Variants in DHX57 observed in about 807,000 individuals in gnomAD.
DHX57 encodes putative ATP-dependent RNA helicase DHX57.
Under a neutral mutation model 156.2 loss-of-function variants are expected in DHX57, and 105 were observed. The ratio of observed to expected loss-of-function variants is 0.67; its 90% CI spans 0.57 to 0.79. The LOEUF (loss-of-function observed/expected upper bound fraction) is 0.79, where lower values mean the gene tolerates loss of function less well. Among genes scored for constraint, DHX57 ranks in the 30% least tolerant of loss-of-function variants. The pLI is 0.00. For missense variants in DHX57, 1,847 were observed against 1,661.9 expected, an observed-to-expected ratio of 1.11 and a Z score of -1.94; for synonymous variants, 704 against 595.6, an observed-to-expected ratio of 1.18 and a Z score of -2.65.
chr2:38,805,144 C>A (rs1209135931), intron 22 of DHX57, among the ~76,000 whole-genome samples: 1 of 152,122 alleles, frequency 6.6e-6, no homozygotes, highest in Non-Finnish European at 1.5e-5. Context: ...AAAACAACAA[C>A]AACAAAAAGT....
chr2:38,826,195 G>A lies in DHX57; in HGVS notation c.2814-148C>T, dbSNP rs1246512904. ...TGGGATAGTTGAGCCCCTGGTAGGA[G>A]CAGCTAGTGCTGATTTAAGTGGCAT... On this transcript the variant is annotated intron_variant, in intron 15 of 23. Coordinates refer to ENST00000457308, the MANE Select transcript of DHX57 (RefSeq NM_198963.3). 2.9e-5 allele frequency: 25 copies of A among 862,814 alleles called. No homozygotes were observed. In the Admixed American group the frequency reaches 6.9e-4, roughly 24 times the overall value. 53.4% of individuals were successfully genotyped at this position (862,814 alleles called of 1,614,324 possible). A position where few individuals can be genotyped will look rare whatever the true frequency, so the allele number is the denominator to read the frequency against.
intron 1 of DHX57, among the ~76,000 whole-genome samples, chr2:38,874,757 T>C (rs1665529579): frequency 6.6e-6 from 1 of 152,156 alleles, no homozygotes; most frequent in Admixed American, 6.5e-5. Flanking sequence ...AATCCACCTG[T>C]AAGTGGAGCC....
chr2:38,864,326 C>T (rs539412864), intron 2 of DHX57, among the ~76,000 whole-genome samples: 79 of 150,344 alleles, frequency 5.3e-4, no homozygotes, highest in African/African-American at 1.7e-3. Context: ...GGTAGGATTG[C>T]TTAAGCCCCA....
At chr2:38,824,513 T>A (rs915095768) in intron 16 of DHX57, among the ~76,000 whole-genome samples, 10 of 152,086 alleles carry the variant, frequency 6.6e-5, no homozygotes, top group African/African-American at 2.2e-4. Context: ...TATTAAGTAT[T>A]CTTACCATAA....
chr2:38,844,806 T>C (rs1380969738), intron 11 of DHX57, among the ~76,000 whole-genome samples: 3 of 152,162 alleles, frequency 2.0e-5, no homozygotes, highest in Non-Finnish European at 2.9e-5. Context: ...GTATGGCATC[T>C]TTCAGAAATA....
rs373272770 is a variant in DHX57 at position 38,866,119 on chromosome 2, T to C, written c.224+2063A>G. On this transcript the variant is annotated intron_variant, in intron 2 of 23. Transcript: ENST00000457308. ...CCATTTTCTAATTCACATAAAGGCATACACTGAATAGAAACAACTCTGGCC... is the reference window on the plus strand; with the variant it reads ...CCATTTTCTAATTCACATAAAGGCACACACTGAATAGAAACAACTCTGGCC... Among the ~76,000 whole-genome samples the C allele has an allele frequency of 2.4e-4, 37 of 152,288 alleles. No homozygotes were observed. The East Asian group carries it at 6.0e-3, about 25-fold the overall frequency.
At chr2:38,801,987 G>C (rs964423877) in intron 23 of DHX57, among the ~76,000 whole-genome samples, 2 of 152,274 alleles carry the variant, frequency 1.3e-5, no homozygotes, top group East Asian at 3.9e-4. Context: ...AATAAATGAA[G>C]AATTCAGACC....
Position 38,863,384 on chromosome 2 carries a change from T to C in DHX57, c.360A>G (p.Glu120=), listed in dbSNP as rs1673338451. ...ACTCAGATCCAGCATCAGCATCTTG[T>C]TCTTGCAGGTCTCGGAGAAGAGCTT... ...KVKALLRDLQ[E]QDADAGSERG... The change falls in exon 3 of 24, where the codon GAA becomes GAG. Residue 120 remains glutamate, a synonymous_variant. Transcript: ENST00000457308. 1 of 1,612,742 alleles carries C rather than the reference T, an allele frequency of 6.2e-7. No individual in the cohort carries two copies. Among genetic ancestry groups the C allele is most frequent in the East Asian group, 2.2e-5 (1 of 44,864 alleles).
At chr2:38,811,597 T>C (rs1572626353) in intron 21 of DHX57, 3 of 1,371,622 alleles carry the variant, frequency 2.2e-6, no homozygotes, top group Non-Finnish European at 3.1e-6. Flanking sequence ...CACACGAGGA[T>C]GCAGGAGGTG....
At chr2:38,841,644 C>A (rs886428939) in intron 12 of DHX57, among the ~76,000 whole-genome samples, 2 of 152,140 alleles carry the variant, frequency 1.3e-5, no homozygotes, top group Non-Finnish European at 2.9e-5. Context: ...TACTCATGAA[C>A]AATAAACACC....
At chr2:38,863,340 G>A in intron 3 of DHX57, 21 bp downstream of exon 3, 2 of 1,598,946 alleles carry the variant, frequency 1.3e-6, no homozygotes, top group South Asian at 2.3e-5. Context: ...TATAATAATT[G>A]ACTCAAATAA....
At chr2:38,869,507 A>ATACTTTGGTTGGATTAGTTTG (rs1665256238) in intron 1 of DHX57, among the ~76,000 whole-genome samples, 1 of 152,274 alleles carries the variant, frequency 6.6e-6, no homozygotes, top group Non-Finnish European at 1.5e-5. Context: ...CAAAGAAGCC[A>ATACTTTGGTTGGATTAGTTTG]TACTTTGGTT....
At chr2:38,819,199 G>A (rs542718785) in intron 17 of DHX57, 55 bp from the exon 18 acceptor site, 4 of 1,555,830 alleles carry the variant, frequency 2.6e-6, no homozygotes, top group African/African-American at 2.7e-5. Context: ...TTCAAAGACA[G>A]GGTCTTGTTC....
intron 21 of DHX57, chr2:38,811,413 G>C (rs765095736): frequency 1.7e-5 from 10 of 584,462 alleles, no homozygotes; most frequent in African/African-American, 7.4e-5. Context: ...GGGCCCAGGA[G>C]GTAGCAGTCC....
At chr2:38,874,210 G>A (rs1665487358) in intron 1 of DHX57, among the ~76,000 whole-genome samples, 1 of 151,830 alleles carries the variant, frequency 6.6e-6, no homozygotes, top group Non-Finnish European at 1.5e-5. Flanking sequence ...TCCTGCCTCA[G>A]CCTCCTGAAT....
intron 19 of DHX57, chr2:38,816,240 A>T (rs1018822828): frequency 1.6e-4 from 73 of 465,594 alleles, no homozygotes; most frequent in Non-Finnish European, 2.4e-4. Flanking sequence ...TTTGAGACAG[A>T]GTCTTGCTCT....
intron 19 of DHX57, among the ~76,000 whole-genome samples, chr2:38,818,444 T>C (rs982956453): frequency 6.6e-6 from 1 of 152,124 alleles, no homozygotes; most frequent in Non-Finnish European, 1.5e-5. Flanking sequence ...GGAGAATCAC[T>C]TGACCCTGGG....
At chr2:38,805,788 T>C (rs1246087140) in intron 22 of DHX57, among the ~76,000 whole-genome samples, 1 of 152,034 alleles carries the variant, frequency 6.6e-6, no homozygotes, top group Non-Finnish European at 1.5e-5. Flanking sequence ...TTCTAGCTGA[T>C]GTTTTCCAGC....
At chr2:38,822,269 C>T (rs965201612) in intron 17 of DHX57, among the ~76,000 whole-genome samples, 4 of 151,822 alleles carry the variant, frequency 2.6e-5, no homozygotes, top group African/African-American at 9.7e-5. Context: ...TTAGTAGAGA[C>T]GGGGTTTCTC....
Sources: allele counts gnomAD v4.1 joint callset (sites outside exome capture counted in the v4.1 genomes callset), GRCh38; gene constraint gnomAD v4.1.1; transcripts MANE v1.5; gene names NCBI Gene and HGNC (gene_info 2026-07-23, HGNC 2026-07-21).